The following PDCD7 variants were observed in gnomAD, a reference collection of about 807,000 sequenced individuals.
PDCD7 encodes the protein programmed cell death 7.
A neutral mutation model predicts 42.1 loss-of-function variants in PDCD7; 40 were observed. That is an observed-to-expected ratio of 0.95 (90% CI 0.74 to 1.24). The LOEUF (loss-of-function observed/expected upper bound fraction) is 1.24, where lower values mean the gene tolerates loss of function less well. Among genes scored for constraint, PDCD7 ranks in the 50% most tolerant of loss-of-function variants. The pLI, the probability that PDCD7 is intolerant of heterozygous loss-of-function variation, is 0.00. For missense variants in PDCD7, 644 were observed against 662.8 expected (o/e 0.97, Z 0.31); for synonymous variants, 299 against 303.3 (o/e 0.99, Z 0.15).
At position 65,133,259 on chromosome 15, in the gene PDCD7, G is replaced by GCA; in HGVS notation, c.521_522dup (p.Arg175CysfsTer18). On this transcript the variant is annotated frameshift_variant, in exon 1 of 5. Transcript: ENST00000204549. LOFTEE classifies it high-confidence loss of function. ...CGCAGAGCCCGGAGCAATCGCGCGCGCACTTCGCCAAGGCTGGGCCCGGCA... is the reference window on the plus strand; with the variant it reads ...CGCAGAGCCCGGAGCAATCGCGCGCGCACACTTCGCCAAGGCTGGGCCCGGCA... The GCA allele has an allele frequency of 3.0e-6, 4 of 1,340,346 alleles. No individual in the cohort carries two copies. The highest frequency in any genetic ancestry group is 2.8e-6 in the Non-Finnish European group (3 of 1,053,304). The allele number at this position is 1,340,346 out of a possible 1,614,324, so 83.0% of individuals were successfully genotyped here.
intron 1 of PDCD7, among the ~76,000 whole-genome samples, chr15:65,129,485 T>G (rs2087522599): frequency 6.6e-6 from 1 of 152,192 alleles, no homozygotes; most frequent in Admixed American, 6.5e-5. Context: ...CTTACCTTGT[T>G]AAGCTGAGAC....
intron 1 of PDCD7, among the ~76,000 whole-genome samples, chr15:65,132,120 A>T (rs893547601): frequency 3.7e-5 from 2 of 54,566 alleles, no homozygotes; most frequent in African/African-American, 4.8e-5. Flanking sequence ...ATATGTATGT[A>T]TGTGTATATA....
intron 2 of PDCD7, among the ~76,000 whole-genome samples, chr15:65,121,012 C>T (rs1330902735): frequency 6.6e-6 from 1 of 151,820 alleles, no homozygotes; most frequent in Non-Finnish European, 1.5e-5. Flanking sequence ...CTCAACTCCT[C>T]CCTCTGGATC....
Position 65,119,719 on chromosome 15 carries a change from T to C in PDCD7, c.1245A>G (p.Pro415=), listed in dbSNP as rs777430736. ...TCCACTGGTTATAGAGCAACATACC[T>C]GGATCCCCAAACAACTTGGACTCAA... The part of the protein sequence containing the change: ...REIESKLFGD[P]DEFPLAHLLE... The change falls in exon 3 of 5, where the codon CCA becomes CCG. Residue 415 remains proline, a splice_region_variant and synonymous_variant. Transcript: ENST00000204549. 18 of 1,609,836 alleles carry C rather than the reference T, an allele frequency of 1.1e-5. No individual in the cohort carries two copies. Among genetic ancestry groups the C allele is most frequent in the Non-Finnish European group, 1.4e-5 (17 of 1,178,830 alleles).
At chr15:65,122,987 A>G (rs2087469186) in intron 2 of PDCD7, among the ~76,000 whole-genome samples, 1 of 151,524 alleles carries the variant, frequency 6.6e-6, no homozygotes. Flanking sequence ...GGGCAACAAG[A>G]GTGAAACTCT....
rs1024714847 is a variant in PDCD7, at chr15:65,118,810, G to A, written c.1365C>T (p.Ser455=). The change falls in exon 5 of 5, where the codon TCC becomes TCT. Residue 455 remains serine, a synonymous_variant. Coordinates refer to ENST00000204549, the MANE Select transcript of PDCD7 (RefSeq NM_005707.2). ...RHDWDQYLVP[S]DHPKGNFVPQ... ...GAACGAAGTTGCCTTTGGGATGATC[G>A]GATGGCACCAGGTACTGATCCCAAT... 1.7e-5 allele frequency: 28 copies of A among 1,609,656 alleles called. No homozygotes were observed. Among genetic ancestry groups the A allele is most frequent in the African/African-American group, 2.7e-5 (2 of 74,706 alleles).
chr15:65,130,627 T>G lies in PDCD7; in HGVS notation c.871-1457A>C, dbSNP rs553989202. Among the ~76,000 whole-genome samples, 19 of 152,318 alleles carry G rather than the reference T, an allele frequency of 1.2e-4. No homozygotes were observed. In the East Asian group the frequency reaches 3.5e-3, roughly 28 times the overall value. ...AGCTGTTTCACTTCTCCATTTGGAT[T>G]ACTCTGTTTCCCTGGAACTGCACCT... On this transcript the variant is annotated intron_variant, in intron 1 of 4. Transcript: ENST00000204549.
At chr15:65,130,844 GAA>G (rs770531053) in intron 1 of PDCD7, among the ~76,000 whole-genome samples, 1 of 139,380 alleles carries the variant, frequency 7.2e-6, no homozygotes, top group African/African-American at 2.6e-5. Context: ...CTCTGTCTCA[GAA>G]AAAAAAAAAA....
At position 65,133,221 on chromosome 15, in the gene PDCD7, C is replaced by T; in HGVS notation, c.561G>A (p.Arg187=). Reference sequence around the variant, plus strand: ...GCAGGGCCTGGCTCAGGCCGCGCAGCCGCCGCACCAGGCGCAGAGCCCGGA... The same window carrying T: ...GCAGGGCCTGGCTCAGGCCGCGCAGTCGCCGCACCAGGCGCAGAGCCCGGA... The part of the protein sequence containing the change: ...RLLRALRLVR[R]LRGLSQALRE... The change falls in exon 1 of 5, where the codon CGG becomes CGA. Residue 187 remains arginine, a synonymous_variant. Transcript: ENST00000204549. 1 of 1,380,694 alleles carries T rather than the reference C, an allele frequency of 7.2e-7. No homozygotes were observed. Among genetic ancestry groups the T allele is most frequent in the South Asian group, 1.7e-5 (1 of 59,726 alleles). 85.5% of individuals were successfully genotyped at this position (1,380,694 alleles called of 1,614,324 possible).
At position 65,133,321 on chromosome 15, in the gene PDCD7, G is replaced by A. The variant is rs2087559667; in HGVS notation, c.461C>T (p.Pro154Leu). 2.3e-6 allele frequency: 3 copies of A among 1,293,264 alleles called. No homozygotes were observed. The African/African-American group carries it at 4.7e-5, about 20-fold the overall frequency. 80.1% of individuals were successfully genotyped at this position (1,293,264 alleles called of 1,614,324 possible). A position where few individuals can be genotyped will look rare whatever the true frequency, so the allele number is the denominator to read the frequency against. ...RQWLEAVFGT[P>L]RRAGCPVPQR... ...GGGCACCGGACAGCCTGCCCGCCGC[G>A]GGGTCCCGAACACCGCCTCCAGCCA... The change falls in exon 1 of 5, where the codon CCG (proline) becomes CTG (leucine). Residue 154 changes from proline to leucine, a missense_variant. By Grantham distance (98) the Pro-to-Leu change is moderately conservative. Transcript: ENST00000204549.
intron 1 of PDCD7, among the ~76,000 whole-genome samples, chr15:65,130,143 C>A (rs1351849619): frequency 6.7e-6 from 1 of 149,540 alleles, no homozygotes; most frequent in African/African-American, 2.5e-5. Flanking sequence ...TTCGCACCCG[C>A]CCCCAACCCT....
Position 65,133,473 on chromosome 15 carries a change from G to A in PDCD7, c.309C>T (p.Ala103=). The change falls in exon 1 of 5, where the codon GCC becomes GCT. Residue 103 remains alanine, a synonymous_variant. Coordinates refer to ENST00000204549, the MANE Select transcript of PDCD7 (RefSeq NM_005707.2). ...PQCRPFPGTD[A]GERPRPPPPG... is the part of the protein sequence containing the mutation. ...GAGGCGGTGGCCGCGGCCGCTCGCC[G>A]GCGTCGGTCCCCGGGAAGGGCCGAC... 1 of 1,217,636 alleles carries A rather than the reference G, an allele frequency of 8.2e-7. No individual in the cohort carries two copies. The highest frequency in any genetic ancestry group is 1.0e-6 in the Non-Finnish European group (1 of 979,080). 75.4% of individuals were successfully genotyped at this position (1,217,636 alleles called of 1,614,324 possible).
At position 65,119,209 on chromosome 15, in the gene PDCD7, T is replaced by C. The variant is rs1198917357; in HGVS notation, c.1334+167A>G. ...ACTAATGAGGACTAAACAAGATGTA[T>C]GCAGCATCCTTGAAACATGGAAACA... On this transcript the variant is annotated intron_variant, in intron 4 of 4. Coordinates refer to ENST00000204549, the MANE Select transcript of PDCD7 (RefSeq NM_005707.2). 14 of 577,110 alleles carry C rather than the reference T, an allele frequency of 2.4e-5. No individual in the cohort carries two copies. In the East Asian group the frequency reaches 3.9e-4, roughly 16 times the overall value. 35.7% of individuals were successfully genotyped at this position (577,110 alleles called of 1,614,324 possible).
Position 65,133,179 on chromosome 15 carries a change from G to C in PDCD7, c.603C>G (p.Asp201Glu). ...LSQALREAEADGAAWVLLYSQ... is the reference protein window; with the variant it reads ...LSQALREAEAEGAAWVLLYSQ... ...AGTACAGCAGGACCCAGGCCGCGCC[G>C]TCGGCTTCGGCCTCGCGCAGGGCCT... is the stretch of plus-strand genomic sequence containing the variant. Residue 201 changes from aspartate to glutamate, a missense_variant, in exon 1 of 5, where the codon GAC becomes GAG. Asp to Glu is a conservative substitution (Grantham distance 45). Coordinates refer to ENST00000204549, the MANE Select transcript of PDCD7 (RefSeq NM_005707.2). 1.4e-6 allele frequency: 2 copies of C among 1,451,992 alleles called. No individual in the cohort carries two copies. The highest frequency in any genetic ancestry group is 1.8e-6 in the Non-Finnish European group (2 of 1,113,004). 89.9% of individuals were successfully genotyped at this position (1,451,992 alleles called of 1,614,324 possible). A position where few individuals can be genotyped will look rare whatever the true frequency, so the allele number is the denominator to read the frequency against.
In PDCD7 at chr15:65,133,716, AGGAGGCGGCGGCTGC is replaced by A. The variant is rs780761410; in HGVS notation, c.51_65del (p.Gln18_Pro22del). ...GCGGTGGCGGACAGCCGAAAGGAGC[AGGAGGCGGCGGCTGC>A]GGGGGCGGTGGGCCTGGGCGACCCT... On this transcript the variant is annotated inframe_deletion, in exon 1 of 5. Transcript: ENST00000204549. 12 of 1,312,884 alleles carry A rather than the reference AGGAGGCGGCGGCTGC, an allele frequency of 9.1e-6. No individual in the cohort carries two copies. The African/African-American group carries it at 9.2e-5, about 10-fold the overall frequency. The allele number at this position is 1,312,884 out of a possible 1,614,324, so 81.3% of individuals were successfully genotyped here.
rs543198741 is a variant in PDCD7, at chr15:65,129,031, C to G, written c.1009+1G>C. Reference sequence around the variant, plus strand: ...GGAAAGAAATGCAAAGCCACAGTTACCTTTCCTCGCTGCAGCCTCTTTCCT... The same window carrying G: ...GGAAAGAAATGCAAAGCCACAGTTAGCTTTCCTCGCTGCAGCCTCTTTCCT... On this transcript the variant is annotated splice_donor_variant, in intron 2 of 4. Transcript: ENST00000204549. LOFTEE classifies it high-confidence loss of function. 6.2e-7 allele frequency: 1 copy of G among 1,614,124 alleles called. No individual in the cohort carries two copies. Among genetic ancestry groups the G allele is most frequent in the Non-Finnish European group, 8.5e-7 (1 of 1,179,984 alleles).
intron 4 of PDCD7, 177 bp from the exon 5 acceptor site, chr15:65,119,017 G>A: frequency 2.1e-6 from 1 of 474,706 alleles, no homozygotes. Context: ...TATAAAAAGA[G>A]GAAAAACTCT....
chr15:65,120,685 G>A (rs985228043), intron 2 of PDCD7, among the ~76,000 whole-genome samples: 2 of 151,994 alleles, frequency 1.3e-5, no homozygotes, highest in African/African-American at 4.8e-5. Context: ...TCCAGCCTGG[G>A]CAACAGAGTG....
At chr15:65,125,026 G>T (rs913749076) in intron 2 of PDCD7, among the ~76,000 whole-genome samples, 6 of 152,242 alleles carry the variant, frequency 3.9e-5, no homozygotes, top group Middle Eastern at 3.4e-3. Context: ...CTCTCCTAAA[G>T]CCCCACTTGT....
Sources: allele counts gnomAD v4.1 joint callset (sites outside exome capture counted in the v4.1 genomes callset), GRCh38; gene constraint gnomAD v4.1.1; transcripts MANE v1.5; gene names NCBI Gene and HGNC (gene_info 2026-07-23, HGNC 2026-07-21).